LYN: variants seen among roughly 807,000 people sequenced by gnomAD.
LYN encodes the protein tyrosine-protein kinase Lyn.
Under a neutral mutation model 65.0 loss-of-function variants are expected in LYN, and 12 were observed. The observed-to-expected ratio is 0.18, with a 90% confidence interval of 0.12 to 0.30. The LOEUF is 0.30. Ranked by LOEUF, LYN falls within the 10% of genes least tolerant of loss-of-function variation. The pLI, the probability that LYN is intolerant of heterozygous loss-of-function variation, is 1.00. For synonymous variants in LYN, 222 were observed against 221.2 expected (o/e 1.00, Z -0.03); for missense variants, 380 against 623.2 (o/e 0.61, Z 4.16).
chr8:55,990,364 C>T (rs1247337470), intron 10 of LYN, among the ~76,000 whole-genome samples: 1 of 150,826 alleles, frequency 6.6e-6, no homozygotes, highest in Non-Finnish European at 1.5e-5. Context: ...AGCAAAGGTT[C>T]TTATCATGTA....
intron 10 of LYN, among the ~76,000 whole-genome samples, chr8:55,983,540 G>T (rs1415182346): frequency 3.3e-5 from 3 of 90,974 alleles, no homozygotes; most frequent in Non-Finnish European, 7.0e-5. Flanking sequence ...TTCCCCACCC[G>T]CCCTCTCTTG....
intron 12 of LYN, among the ~76,000 whole-genome samples, chr8:56,004,380 A>C (rs1339152166): frequency 3.0e-5 from 4 of 133,746 alleles, no homozygotes; most frequent in Admixed American, 1.6e-4. Flanking sequence ...TGCAACCTCC[A>C]CCTCCCAGGT....
chr8:55,953,884 G>T lies in LYN; in HGVS notation c.690G>T (p.Lys230Asn). Residue 230 changes from lysine to asparagine, a missense_variant, in exon 8 of 13, where the codon AAG (lysine) becomes AAT (asparagine). Transcript: ENST00000519728. The part of the protein sequence containing the change: ...RRLEKACISP[K>N]PQKPWDKDAW... Reference sequence around the variant, plus strand: ...TGGAGAAGGCTTGTATTAGTCCCAAGCCACAGAAGCCATGGGATAAAGATG... The same window carrying T: ...TGGAGAAGGCTTGTATTAGTCCCAATCCACAGAAGCCATGGGATAAAGATG... The T allele has an allele frequency of 6.2e-7, 1 of 1,614,132 alleles. No individual in the cohort carries two copies. Among genetic ancestry groups the T allele is most frequent in the Non-Finnish European group, 8.5e-7 (1 of 1,180,014 alleles).
chr8:55,900,862 CTCTT>C (rs1376604737), intron 1 of LYN, among the ~76,000 whole-genome samples: 1 of 152,098 alleles, frequency 6.6e-6, no homozygotes, highest in Non-Finnish European at 1.5e-5. Flanking sequence ...ATTCTCCTAA[CTCTT>C]TATCTTAAAA....
chr8:55,934,080 G>A (rs1350875031), intron 1 of LYN, among the ~76,000 whole-genome samples: 1 of 152,164 alleles, frequency 6.6e-6, no homozygotes, highest in Non-Finnish European at 1.5e-5. Flanking sequence ...ACAAAAATTA[G>A]CCAGGCATGG....
intron 8 of LYN, among the ~76,000 whole-genome samples, chr8:55,961,650 A>G (rs533971676): frequency 6.6e-6 from 1 of 151,400 alleles, no homozygotes; most frequent in South Asian, 2.1e-4. Context: ...TTCGTCCTTT[A>G]CTCATACTTT....
At chr8:55,986,312 C>T (rs1026216405) in intron 10 of LYN, among the ~76,000 whole-genome samples, 1 of 152,096 alleles carries the variant, frequency 6.6e-6, no homozygotes, top group African/African-American at 2.4e-5. Context: ...GTGAGATTTC[C>T]AGTTTCTCCA....
chr8:55,976,286 C>T (rs1306564521), intron 10 of LYN, among the ~76,000 whole-genome samples: 1 of 145,148 alleles, frequency 6.9e-6, no homozygotes, highest in Admixed American at 7.0e-5. Flanking sequence ...AAGATCACAC[C>T]ACTACATTCC....
intron 12 of LYN, among the ~76,000 whole-genome samples, chr8:56,004,365 C>T (rs552940178): frequency 2.6e-4 from 38 of 148,652 alleles, no homozygotes; most frequent in Non-Finnish European, 5.0e-4. Flanking sequence ...GTGATATCGG[C>T]TCACTGCAAC....
At chr8:55,987,565 C>T (rs746383982) in intron 10 of LYN, among the ~76,000 whole-genome samples, 6 of 152,076 alleles carry the variant, frequency 3.9e-5, no homozygotes, top group Non-Finnish European at 7.4e-5. Context: ...TATGGGTGCC[C>T]GCCACCACAC....
chr8:55,942,138 A>G, intron 2 of LYN, 147 bp downstream of exon 2: 2 of 821,436 alleles, frequency 2.4e-6, no homozygotes, highest in Non-Finnish European at 3.8e-6. Context: ...TTGTAACTTT[A>G]TCCTTTGAAG....
Position 55,917,218 on chromosome 8 carries a change from C to T in LYN, c.-5-24637C>T, listed in dbSNP as rs12675828. Reference sequence around the variant, plus strand: ...AGAGAGAGAGAAAGATGGGATCTTGCGCTGTCACCCAGGCTGGAGTGCAGT... The same window carrying T: ...AGAGAGAGAGAAAGATGGGATCTTGTGCTGTCACCCAGGCTGGAGTGCAGT... On this transcript the variant is annotated intron_variant, in intron 1 of 12. Transcript: ENST00000519728. Among the ~76,000 whole-genome samples, 115 of 151,026 alleles carry T rather than the reference C, an allele frequency of 7.6e-4. 3 individuals carry two copies. The East Asian group carries it at 0.016, about 21-fold the overall frequency.
At chr8:55,896,439 G>A (rs10958475) in intron 1 of LYN, among the ~76,000 whole-genome samples, 65,047 of 151,610 alleles carry the variant, frequency 0.43, 14,417 homozygotes, top group Middle Eastern at 0.57. Flanking sequence ...TTACTCATAA[G>A]TGGGAGCTGA....
intron 1 of LYN, among the ~76,000 whole-genome samples, chr8:55,925,995 TTA>T (rs1388321740): frequency 1.3e-5 from 2 of 152,212 alleles, no homozygotes; most frequent in African/African-American, 4.8e-5. Context: ...ATAAAACTTT[TTA>T]TCTTGTTTTA....
intron 10 of LYN, among the ~76,000 whole-genome samples, chr8:55,973,010 G>A (rs573419338): frequency 9.2e-5 from 14 of 152,304 alleles, no homozygotes; most frequent in African/African-American, 2.9e-4. Context: ...TTGTCACAAT[G>A]AGAGATTGGT....
chr8:55,985,290 G>A (rs765393472), intron 10 of LYN, among the ~76,000 whole-genome samples: 14 of 152,070 alleles, frequency 9.2e-5, no homozygotes, highest in Admixed American at 7.9e-4. Flanking sequence ...CCTCAGCTTC[G>A]GCCCTTGCAG....
chr8:55,925,084 A>G (rs1300053374), intron 1 of LYN, among the ~76,000 whole-genome samples: 1 of 150,944 alleles, frequency 6.6e-6, no homozygotes, highest in African/African-American at 2.4e-5. Flanking sequence ...CAGCCTTCCA[A>G]AGTGTTGGGA....
Position 55,889,019 on chromosome 8 carries a change from A to C in LYN, c.-6+8916A>C, listed in dbSNP as rs114758246. 8.1e-4 allele frequency among the ~76,000 whole-genome samples: 123 copies of C among 151,580 alleles called. 2 individuals carry two copies. Among genetic ancestry groups the C allele is most frequent in the African/African-American group, 2.7e-3 (113 of 41,310 alleles). On this transcript the variant is annotated intron_variant, in intron 1 of 12. Coordinates refer to ENST00000519728, the MANE Select transcript of LYN (RefSeq NM_002350.4). Reference sequence around the variant, plus strand: ...TTCCCTCACGTGTATTTCTTTCTTTATTTATTTGTATGTTTTGAGATGGGG... The same window carrying C: ...TTCCCTCACGTGTATTTCTTTCTTTCTTTATTTGTATGTTTTGAGATGGGG...
chr8:55,899,573 G>A (rs1468598474), intron 1 of LYN, among the ~76,000 whole-genome samples: 4 of 152,182 alleles, frequency 2.6e-5, no homozygotes, highest in Non-Finnish European at 4.4e-5. Flanking sequence ...CTAAACACTC[G>A]TCAAGATTGT....
Sources: gnomAD v4.1 joint callset for allele counts (sites outside exome capture counted in the v4.1 genomes callset) on GRCh38, gnomAD v4.1.1 for gene constraint, MANE v1.5 for transcripts, NCBI Gene and HGNC (gene_info 2026-07-23, HGNC 2026-07-21) for gene names.